Variants in SLC4A3 observed in about 807,000 individuals in gnomAD.
The protein encoded by SLC4A3 is solute carrier family 4 member 3.
SLC4A3 carries 47 observed loss-of-function variants against 114.2 expected under a neutral mutation model. The ratio of observed to expected loss-of-function variants is 0.41; its 90% CI spans 0.33 to 0.52. The LOEUF (loss-of-function observed/expected upper bound fraction) is 0.52. Ranked by LOEUF, SLC4A3 falls within the 20% of genes least tolerant of loss-of-function variation. SLC4A3 has a pLI of 0.21. For synonymous variants in SLC4A3, 693 were observed against 710.3 expected, an observed-to-expected ratio of 0.98 and a Z score of 0.39; for missense variants, 1,312 against 1,668.3, an observed-to-expected ratio of 0.79 and a Z score of 3.72.
chr2:219,635,479 A>G lies in SLC4A3; in HGVS notation c.1955A>G (p.Tyr652Cys). 1 of 1,611,880 alleles carries G rather than the reference A, an allele frequency of 6.2e-7. No homozygotes were observed. Among genetic ancestry groups the G allele is most frequent in the Non-Finnish European group, 8.5e-7 (1 of 1,178,900 alleles). The change falls in exon 13 of 23, where the codon TAC becomes TGC. Residue 652 changes from tyrosine (Y) to cysteine (C), a missense_variant. Physicochemically the swap from Tyr to Cys is radical, Grantham distance 194. Around this residue, in one of 4 missense-constraint regions of SLC4A3, gnomAD observed 771 missense variants for 977.7 expected, o/e 0.79. Transcript: ENST00000358055. ...TKVEMTTRGG[Y>C]TAPGKELSLE... ...GTCGAGATGACCACACGGGGTGGCT[A>G]CACGGCCCCTGGGAAAGGTCAGACC...
Position 219,631,891 on chromosome 2 carries a change from T to A in SLC4A3, c.812-77T>A. 6.8e-7 allele frequency: 1 copy of A among 1,478,892 alleles called. No homozygotes were observed. The highest frequency in any genetic ancestry group is 1.4e-5 in the African/African-American group (1 of 70,918). The allele number at this position is 1,478,892 out of a possible 1,614,324, so 91.6% of individuals were successfully genotyped here. On this transcript the variant is annotated intron_variant, in intron 6 of 22. Transcript: ENST00000358055. This position sits in a 1 kb window ranked among gnomAD's most constrained non-coding sequence, Gnocchi z 6.3. ...TGTAGAGCTCACCAAGTAGATGGGT[T>A]GGGCAGAAGGAGCTGGGCCGTGACC... is the stretch of plus-strand genomic sequence containing the variant.
At position 219,639,509 on chromosome 2, in the gene SLC4A3, G is replaced by T; in HGVS notation, c.3051G>T (p.Arg1017Ser). 1 of 1,613,776 alleles carries T rather than the reference G, an allele frequency of 6.2e-7. No individual in the cohort carries two copies. Among genetic ancestry groups the T allele is most frequent in the South Asian group, 1.1e-5 (1 of 91,074 alleles). Residue 1017 changes from arginine (R) to serine (S), a missense_variant, in exon 20 of 23, where the codon AGG (arginine) becomes AGT (serine). Coordinates refer to ENST00000358055, the MANE Select transcript of SLC4A3 (RefSeq NM_005070.4). The surrounding 1 kb of genome is among the most constrained non-coding windows in gnomAD (Gnocchi z 5.9). Reference sequence around the variant, plus strand: ...TTATCGTCAGCCAGAAGGCGCGGAGGCTGCTCAAGGGCTCCGGTTTCCACC... The same window carrying T: ...TTATCGTCAGCCAGAAGGCGCGGAGTCTGCTCAAGGGCTCCGGTTTCCACC... ...TALIVSQKARRLLKGSGFHLD... is the reference protein window; with the variant it reads ...TALIVSQKARSLLKGSGFHLD...
chr2:219,634,095 C>A, intron 11 of SLC4A3, 116 bp downstream of exon 11: 1 of 1,211,720 alleles, frequency 8.3e-7, no homozygotes, highest in Non-Finnish European at 1.1e-6. Flanking sequence ...TCCAGGCTCC[C>A]ACCTGGTCCC....
In SLC4A3 at chr2:219,641,574, G is replaced by A; in HGVS notation, c.3622-77G>A. 2 of 1,177,146 alleles carry A rather than the reference G, an allele frequency of 1.7e-6. No homozygotes were observed. Among genetic ancestry groups the A allele is most frequent in the Non-Finnish European group, 2.5e-6 (2 of 787,930 alleles). 72.9% of individuals were successfully genotyped at this position (1,177,146 alleles called of 1,614,324 possible). ...AGGTCAGGGAGCAGGGAGGGCTGCA[G>A]GTTGGAGGAGGAGCTGGAGAATGGG... On this transcript the variant is annotated intron_variant, in intron 22 of 22. Transcript: ENST00000358055. The surrounding 1 kb of genome is among the most constrained non-coding windows in gnomAD (Gnocchi z 4.0).
Position 219,635,820 on chromosome 2 carries a change from A to C in SLC4A3, c.2120A>C (p.Gln707Pro). 1 of 1,590,330 alleles carries C rather than the reference A, an allele frequency of 6.3e-7. No homozygotes were observed. Among genetic ancestry groups the C allele is most frequent in the Non-Finnish European group, 8.5e-7 (1 of 1,169,936 alleles). The change falls in exon 14 of 23, where the codon CAG (glutamine) becomes CCG (proline). Residue 707 changes from glutamine (Q) to proline (P), a missense_variant. Physicochemically the swap from Gln to Pro is moderately conservative, Grantham distance 76 (BLOSUM62 -1). Around this residue, in one of 4 missense-constraint regions of SLC4A3, gnomAD observed 771 missense variants for 977.7 expected, o/e 0.79. Coordinates refer to ENST00000358055, the MANE Select transcript of SLC4A3 (RefSeq NM_005070.4). ...GACCTGCGAGATGCGCTGCACTCCCAGTGTGTGGCCGCTGTGCTCTTCATC... is the reference window on the plus strand; with the variant it reads ...GACCTGCGAGATGCGCTGCACTCCCCGTGTGTGGCCGCTGTGCTCTTCATC... ...PSDLRDALHS[Q>P]CVAAVLFIYF...
chr2:219,629,887 G>GT (rs1225024025), intron 5 of SLC4A3, among the ~76,000 whole-genome samples, 192 bp downstream of exon 5: 1 of 144,900 alleles, frequency 6.9e-6, no homozygotes, highest in East Asian at 2.2e-4. Flanking sequence ...GAACAAGGGG[G>GT]GGGGGAGAAA....
intron 12 of SLC4A3, 130 bp from the exon 13 acceptor site, chr2:219,635,141 G>T: frequency 1.4e-6 from 1 of 694,594 alleles, no homozygotes; most frequent in Non-Finnish European, 2.5e-6. Context: ...AACACTGTTG[G>T]ACTGGCCCAG....
chr2:219,637,689 G>C lies in SLC4A3; in HGVS notation c.2644G>C (p.Gly882Arg). 4.3e-6 allele frequency: 7 copies of C among 1,613,084 alleles called. No individual in the cohort carries two copies. The highest frequency in any genetic ancestry group is 5.9e-6 in the Non-Finnish European group (7 of 1,179,176). ...TGGCAGTGCCCTGCCCCCCACCGAG[G>C]GCCCCCCCAGCCCGAGGAACCAGCC... ...PNGSALPPTE[G>R]PPSPRNQPNT... The change falls in exon 17 of 23, where the codon GGC becomes CGC. Residue 882 changes from glycine (G) to arginine (R), a missense_variant. Transcript: ENST00000358055. This position sits in a 1 kb window ranked among gnomAD's most constrained non-coding sequence, Gnocchi z 4.6.
At chr2:219,640,999 C>T in intron 22 of SLC4A3, 37 bp downstream of exon 22, 1 of 1,579,460 alleles carries the variant, frequency 6.3e-7, no homozygotes, top group Non-Finnish European at 8.6e-7. Context: ...AGTGTTAGGG[C>T]AAATGGGCAC....
rs1010564601 is a variant in SLC4A3, at chr2:219,628,058, C to T, written c.51+15C>T. On this transcript the variant is annotated intron_variant, in intron 2 of 22. Transcript: ENST00000358055. This position sits in a 1 kb window ranked among gnomAD's most constrained non-coding sequence, Gnocchi z 4.8. ...CCCTACCCCAGGTGATCGGCGCGCGCGGGGGCGGGGGAGAGATGGGGGAGG... is the reference window on the plus strand; with the variant it reads ...CCCTACCCCAGGTGATCGGCGCGCGTGGGGGCGGGGGAGAGATGGGGGAGG... The T allele has an allele frequency of 1.0e-5, 16 of 1,540,214 alleles. No homozygotes were observed. In the African/African-American group the frequency reaches 1.3e-4, roughly 12 times the overall value.
rs1469705575 is a variant in SLC4A3, at chr2:219,630,000, G to A, written c.612-153G>A. The stretch of plus-strand genomic sequence containing the variant: ...GGAGGAAAGGGGGAGCCACGGGATG[G>A]GGAGGGGGCCTGGGTCAGCATCCTT... On this transcript the variant is annotated intron_variant, in intron 5 of 22. Transcript: ENST00000358055. The A allele has an allele frequency of 8.2e-6, 12 of 1,456,198 alleles. No homozygotes were observed. The Admixed American group carries it at 2.3e-4, about 28-fold the overall frequency. 90.2% of individuals were successfully genotyped at this position (1,456,198 alleles called of 1,614,324 possible).
rs370125114 is a variant in SLC4A3 at position 219,638,755 on chromosome 2, G to A, written c.2909G>A (p.Trp970Ter). The change falls in exon 19 of 23, where the codon TGG becomes TAG. Residue 970 changes from tryptophan to a stop codon, truncating the protein, a stop_gained. Transcript: ENST00000358055. LOFTEE classifies it high-confidence loss of function. This position sits in a 1 kb window ranked among gnomAD's most constrained non-coding sequence, Gnocchi z 7.5. ...LSVTSPDKRS[W>*]FIPPLGSARP... ...GTGACCTCTCCCGATAAGCGCTCGT[G>A]GTTCATCCCACCCCTGGGCAGTGCC... 6.2e-7 allele frequency: 1 copy of A among 1,614,142 alleles called. No homozygotes were observed. Among genetic ancestry groups the A allele is most frequent in the Admixed American group, 1.7e-5 (1 of 60,026 alleles).
rs779620151 is a variant in SLC4A3 at position 219,640,489 on chromosome 2, A to T, written c.3337A>T (p.Ile1113Phe). ...GATCCCATTGGCTGTGCTCTTTGGGATCTTCCTGTACATGGGGGTCACGTC... is the reference window on the plus strand; with the variant it reads ...GATCCCATTGGCTGTGCTCTTTGGGTTCTTCCTGTACATGGGGGTCACGTC... ...RRIPLAVLFG[I>F]FLYMGVTSLS... Residue 1113 changes from isoleucine to phenylalanine, a missense_variant, in exon 21 of 23, where the codon ATC (isoleucine) becomes TTC (phenylalanine). Ile to Phe is a conservative substitution (Grantham distance 21, BLOSUM62 0). Around this residue, in one of 4 missense-constraint regions of SLC4A3, gnomAD observed 301 missense variants for 460.7 expected, o/e 0.65. Transcript: ENST00000358055. The T allele has an allele frequency of 6.2e-7, 1 of 1,613,844 alleles. No homozygotes were observed. The highest frequency in any genetic ancestry group is 8.5e-7 in the Non-Finnish European group (1 of 1,179,958).
At position 219,637,452 on chromosome 2, in the gene SLC4A3, A is replaced by C. The variant is rs2106199366; in HGVS notation, c.2536-129A>C. The C allele has an allele frequency of 5.0e-6, 3 of 604,956 alleles. No homozygotes were observed. The South Asian group carries it at 6.1e-5, about 12-fold the overall frequency. 37.5% of individuals were successfully genotyped at this position (604,956 alleles called of 1,614,324 possible). ...TGTGTTGTGTGTGTGGTGCAGCTGG[A>C]TGTCCGTGCATTACTGTTGTCTGAC... On this transcript the variant is annotated intron_variant, in intron 16 of 22. Coordinates refer to ENST00000358055, the MANE Select transcript of SLC4A3 (RefSeq NM_005070.4). The surrounding 1 kb of genome is among the most constrained non-coding windows in gnomAD (Gnocchi z 4.6).
chr2:219,635,224 G>T lies in SLC4A3; in HGVS notation c.1747-47G>T, dbSNP rs769763140. The T allele has an allele frequency of 8.5e-6, 13 of 1,522,818 alleles. No homozygotes were observed. The South Asian group carries it at 9.0e-5, about 11-fold the overall frequency. 94.3% of individuals were successfully genotyped at this position (1,522,818 alleles called of 1,614,324 possible). A position where few individuals can be genotyped will look rare whatever the true frequency, so the allele number is the denominator to read the frequency against. On this transcript the variant is annotated intron_variant, in intron 12 of 22. Coordinates refer to ENST00000358055, the MANE Select transcript of SLC4A3 (RefSeq NM_005070.4). ...CCCGCCTCAAGTCTCCCTCCTGGAG[G>T]CTCCCTTGGCTGTCCCTGAGGGTCC...
At position 219,638,118 on chromosome 2, in the gene SLC4A3, C is replaced by T. The variant is rs1165279597; in HGVS notation, c.2767-46C>T. On this transcript the variant is annotated intron_variant, in intron 17 of 22. Coordinates refer to ENST00000358055, the MANE Select transcript of SLC4A3 (RefSeq NM_005070.4). The surrounding 1 kb of genome is among the most constrained non-coding windows in gnomAD (Gnocchi z 7.5). ...GGCAAGCCCCGTGTTAGTCTGCTGA[C>T]CTTGCCTCCACCTTTTGCTCCCTTC... The T allele has an allele frequency of 6.8e-7, 1 of 1,470,196 alleles. No individual in the cohort carries two copies. Among genetic ancestry groups the T allele is most frequent in the Non-Finnish European group, 9.4e-7 (1 of 1,062,246 alleles). 91.1% of individuals were successfully genotyped at this position (1,470,196 alleles called of 1,614,324 possible). A position where few individuals can be genotyped will look rare whatever the true frequency, so the allele number is the denominator to read the frequency against.
At position 219,628,658 on chromosome 2, in the gene SLC4A3, A is replaced by T. The variant is rs1559195951; in HGVS notation, c.217+88A>T. ...CACCGCGCTCACCTCCGGCTTGGTCACCCAGTGCCATCCTGTGCCGGACAC... is the reference window on the plus strand; with the variant it reads ...CACCGCGCTCACCTCCGGCTTGGTCTCCCAGTGCCATCCTGTGCCGGACAC... On this transcript the variant is annotated intron_variant, in intron 3 of 22. Coordinates refer to ENST00000358055, the MANE Select transcript of SLC4A3 (RefSeq NM_005070.4). This position sits in a 1 kb window ranked among gnomAD's most constrained non-coding sequence, Gnocchi z 4.8. The T allele has an allele frequency of 3.0e-6, 4 of 1,344,672 alleles. No homozygotes were observed. The highest frequency in any genetic ancestry group is 4.2e-6 in the Non-Finnish European group (4 of 959,452). The allele number at this position is 1,344,672 out of a possible 1,614,324, so 83.3% of individuals were successfully genotyped here.
Position 219,628,753 on chromosome 2 carries a change from G to C in SLC4A3, c.217+183G>C. The C allele has an allele frequency of 1.4e-6, 1 of 696,752 alleles. No individual in the cohort carries two copies. The highest frequency in any genetic ancestry group is 2.3e-6 in the Non-Finnish European group (1 of 427,018). 43.2% of individuals were successfully genotyped at this position (696,752 alleles called of 1,614,324 possible). The stretch of plus-strand genomic sequence containing the variant: ...TGCCTCCCCCACCCATCGCCTGTCC[G>C]CCTGCCTGGGGAGGTGGGCCCCAGA... On this transcript the variant is annotated intron_variant, in intron 3 of 22. Transcript: ENST00000358055. The surrounding 1 kb of genome is among the most constrained non-coding windows in gnomAD (Gnocchi z 4.8).
rs146087932 is a variant in SLC4A3, at chr2:219,641,969, G to A, written c.*241G>A. 49 of 435,644 alleles carry A rather than the reference G, an allele frequency of 1.1e-4. No individual in the cohort carries two copies. The highest frequency in any genetic ancestry group is 8.5e-4 in the East Asian group (24 of 28,124). 27.0% of individuals were successfully genotyped at this position (435,644 alleles called of 1,614,324 possible). Reference sequence around the variant, plus strand: ...TCATTATAACCACACTCCTTGTCTCGTGTCTGCCTCACTTTCTTGGTTTCA... The same window carrying A: ...TCATTATAACCACACTCCTTGTCTCATGTCTGCCTCACTTTCTTGGTTTCA... On this transcript the variant is annotated 3_prime_UTR_variant, in exon 23 of 23. Coordinates refer to ENST00000358055, the MANE Select transcript of SLC4A3 (RefSeq NM_005070.4). The surrounding 1 kb of genome is among the most constrained non-coding windows in gnomAD (Gnocchi z 4.0).
Sources: gnomAD v4.1 joint callset for allele counts (sites outside exome capture counted in the v4.1 genomes callset) on GRCh38, gnomAD v4.1.1 for gene constraint, gnomAD v4.1.1 regional missense constraint, Gnocchi (gnomAD v3.1) non-coding constraint, MANE v1.5 for transcripts, NCBI Gene and HGNC (gene_info 2026-07-23, HGNC 2026-07-21) for gene names.